CCL28: variants seen among roughly 807,000 people sequenced by gnomAD.
CCL28 encodes C-C motif chemokine ligand 28.
Under a neutral mutation model 7.1 loss-of-function variants are expected in CCL28, and 4 were observed. The observed-to-expected ratio is 0.56, with a 90% CI of 0.28 to 1.29. The LOEUF (loss-of-function observed/expected upper bound fraction) is 1.29, where lower values mean the gene tolerates loss of function less well. Among genes scored for constraint, CCL28 ranks in the 50% most tolerant of loss-of-function variants. The pLI is 0.11. For synonymous variants in CCL28, 55 were observed against 57.8 expected, an observed-to-expected ratio of 0.95 and a Z score of 0.22; for missense variants, 151 against 163.4, an observed-to-expected ratio of 0.92 and a Z score of 0.41.
At chr5:43,376,408 C>T (rs1249894150), downstream of CCL28, among the ~76,000 whole-genome samples, 1 of 152,052 alleles carries the variant, frequency 6.6e-6, no homozygotes, top group Non-Finnish European at 1.5e-5. Context: ...TGGGAGAGCC[C>T]CCCACAACAA....
At chr5:43,408,302 G>T (rs868451159) in intron 1 of CCL28, among the ~76,000 whole-genome samples, 28 of 152,244 alleles carry the variant, frequency 1.8e-4, no homozygotes, top group Middle Eastern at 3.4e-3. Flanking sequence ...TGGAATACTA[G>T]GCAGCCATAA....
At chr5:43,410,345 T>G (rs1001809431) in intron 1 of CCL28, among the ~76,000 whole-genome samples, 1 of 152,240 alleles carries the variant, frequency 6.6e-6, no homozygotes, top group Non-Finnish European at 1.5e-5. Flanking sequence ...TTCTCAGGCC[T>G]ACTTGTGTAT....
rs1740100511 is a variant in CCL28 at position 43,381,274 on chromosome 5, C to T, written c.*586G>A. On this transcript the variant is annotated 3_prime_UTR_variant, in exon 3 of 3. Transcript: ENST00000361115. ...AAAGATATATAGATGTTCATTGTACCATTCTTTTAACTTCTCTGTAAGTTT... is the reference window on the plus strand; with the variant it reads ...AAAGATATATAGATGTTCATTGTACTATTCTTTTAACTTCTCTGTAAGTTT... The T allele has an allele frequency of 6.6e-6, 1 of 151,972 alleles. No individual in the cohort carries two copies. The highest frequency in any genetic ancestry group is 6.6e-5 in the Admixed American group (1 of 15,250). 9.4% of individuals were successfully genotyped at this position (151,972 alleles called of 1,614,324 possible).
the CCL28 span, among the ~76,000 whole-genome samples, chr5:43,359,602 G>A: frequency 4.3e-4 from 65 of 152,146 alleles, no homozygotes; most frequent in Non-Finnish European, 2.4e-4. Flanking sequence ...CAGTTTTGGG[G>A]CCAGTTTATG....
chr5:43,382,720 A>G (rs933814896), intron 2 of CCL28, among the ~76,000 whole-genome samples: 4 of 146,890 alleles, frequency 2.7e-5, no homozygotes, highest in African/African-American at 1.1e-4. Flanking sequence ...TAAATTAACA[A>G]AACAAAACTA....
chr5:43,410,178 A>G (rs1741478205), intron 1 of CCL28, among the ~76,000 whole-genome samples: 1 of 152,088 alleles, frequency 6.6e-6, no homozygotes. Context: ...TGAGTTGTTG[A>G]GTGTTCTCTA....
chr5:43,407,047 A>G (rs1371392335), intron 1 of CCL28, among the ~76,000 whole-genome samples: 2 of 152,218 alleles, frequency 1.3e-5, no homozygotes, highest in South Asian at 4.1e-4. Flanking sequence ...AATCAATATC[A>G]TGAAAATGGC....
At chr5:43,365,317 T>C in the CCL28 span, among the ~76,000 whole-genome samples, 3 of 152,198 alleles carry the variant, frequency 2.0e-5, no homozygotes, top group South Asian at 6.2e-4. Flanking sequence ...TCACTCTTTA[T>C]CCAATTTGCC....
the CCL28 span, among the ~76,000 whole-genome samples, chr5:43,362,250 G>C: frequency 2.0e-5 from 3 of 152,132 alleles, no homozygotes; most frequent in South Asian, 6.2e-4. Flanking sequence ...TTTTGTGGCA[G>C]TTATGAATGG....
chr5:43,394,498 T>A (rs1740719138), intron 1 of CCL28, among the ~76,000 whole-genome samples: 1 of 152,220 alleles, frequency 6.6e-6, no homozygotes, highest in Non-Finnish European at 1.5e-5. Flanking sequence ...ATGAAGAAAA[T>A]GATAAGATAA....
At chr5:43,367,862 T>C in the CCL28 span, among the ~76,000 whole-genome samples, 3 of 152,250 alleles carry the variant, frequency 2.0e-5, no homozygotes, top group Non-Finnish European at 4.4e-5. Context: ...GAATTCTGAT[T>C]GTCTCTCACT....
intron 1 of CCL28, 43 bp from the exon 2 acceptor site, chr5:43,388,519 T>A (rs1194880068): frequency 6.3e-7 from 1 of 1,590,940 alleles, no homozygotes; most frequent in African/African-American, 1.3e-5. Flanking sequence ...TTACGGTTTA[T>A]AGAACACTGG....
At chr5:43,405,368 A>T (rs1207811767) in intron 1 of CCL28, among the ~76,000 whole-genome samples, 1 of 152,256 alleles carries the variant, frequency 6.6e-6, no homozygotes, top group Admixed American at 6.5e-5. Flanking sequence ...AACTACATGG[A>T]AACTGAACAA....
At chr5:43,361,005 G>C in the CCL28 span, among the ~76,000 whole-genome samples, 1 of 152,052 alleles carries the variant, frequency 6.6e-6, no homozygotes, top group Non-Finnish European at 1.5e-5. Context: ...ACAGGACCCA[G>C]TGTGTGTTGT....
chr5:43,357,614 C>T, the CCL28 span, among the ~76,000 whole-genome samples: 1 of 152,006 alleles, frequency 6.6e-6, no homozygotes, highest in Non-Finnish European at 1.5e-5. Flanking sequence ...TGTGGTTATA[C>T]TTTATTTTTT....
At chr5:43,390,692 A>C (rs944751510) in intron 1 of CCL28, among the ~76,000 whole-genome samples, 1 of 152,216 alleles carries the variant, frequency 6.6e-6, no homozygotes, top group Non-Finnish European at 1.5e-5. Context: ...AAGGGTTCTG[A>C]TTATGCAAGG....
chr5:43,382,532 C>A (rs1740162618), intron 2 of CCL28, among the ~76,000 whole-genome samples: 1 of 152,178 alleles, frequency 6.6e-6, no homozygotes. Context: ...CCCTCTGATT[C>A]TCCACGGTGA....
At chr5:43,378,105 GGGT>G (rs1739961795), downstream of CCL28, among the ~76,000 whole-genome samples, 1 of 132,536 alleles carries the variant, frequency 7.5e-6, no homozygotes, top group Non-Finnish European at 1.5e-5. Flanking sequence ...CACTTTGGGA[GGGT>G]GAGATGGGAG....
At chr5:43,369,646 A>C in the CCL28 span, among the ~76,000 whole-genome samples, 6 of 151,800 alleles carry the variant, frequency 4.0e-5, no homozygotes, top group African/African-American at 7.3e-5. Context: ...CTGGTCTCGA[A>C]CTCCTGACCT....
Sources: gnomAD v4.1 joint callset for allele counts (sites outside exome capture counted in the v4.1 genomes callset) on GRCh38, gnomAD v4.1.1 for gene constraint, MANE v1.5 for transcripts, NCBI Gene and HGNC (gene_info 2026-07-23, HGNC 2026-07-21) for gene names.